Variants in GUCY1A2 observed in about 807,000 individuals in gnomAD.
The protein encoded by GUCY1A2 is guanylate cyclase 1 soluble subunit alpha 2, also known as guanylate cyclase soluble subunit alpha-2.
A neutral mutation model predicts 63.5 loss-of-function variants in GUCY1A2; 27 were observed. That is an observed-to-expected ratio of 0.43 (90% CI 0.31 to 0.59). GUCY1A2 has a LOEUF of 0.59. Ranked by LOEUF, GUCY1A2 falls within the 20% of genes least tolerant of loss-of-function variation. The pLI is 0.11. For synonymous variants in GUCY1A2, 364 were observed against 343.5 expected (o/e 1.06, Z -0.66); for missense variants, 768 against 913.3 (o/e 0.84, Z 2.05).
At chr11:106,805,105 A>G (rs919637017) in intron 5 of GUCY1A2, among the ~76,000 whole-genome samples, 4 of 152,158 alleles carry the variant, frequency 2.6e-5, no homozygotes, top group Non-Finnish European at 2.9e-5. Context: ...TGGTTGCCCT[A>G]TCTTGTCTTA....
rs182077726 is a variant in GUCY1A2, at chr11:106,681,156, T to C, written c.*6393A>G. 9.3e-5 allele frequency: 20 copies of C among 214,780 alleles called. No homozygotes were observed. In the Admixed American group the frequency reaches 1.2e-3, roughly 12 times the overall value. The allele number at this position is 214,780 out of a possible 1,614,324, so 13.3% of individuals were successfully genotyped here. ...TATTACTGAATAATCATTTTCAGAC[T>C]TTTATTTATTGTGCTACAGGTGACT... On this transcript the variant is annotated 3_prime_UTR_variant, in exon 8 of 8. Transcript: ENST00000526355.
intron 5 of GUCY1A2, among the ~76,000 whole-genome samples, chr11:106,786,803 T>C (rs1157227645): frequency 2.6e-5 from 4 of 152,188 alleles, no homozygotes; most frequent in African/African-American, 9.7e-5. Flanking sequence ...ACTCAATGTT[T>C]TTTGCAAACT....
intron 6 of GUCY1A2, among the ~76,000 whole-genome samples, chr11:106,710,673 C>G (rs1205715437): frequency 6.6e-6 from 1 of 151,788 alleles, no homozygotes; most frequent in Non-Finnish European, 1.5e-5. Flanking sequence ...TGAAAAAGCT[C>G]TCAGTGTACA....
At chr11:106,904,205 A>C (rs959498208) in intron 4 of GUCY1A2, among the ~76,000 whole-genome samples, 32 of 152,132 alleles carry the variant, frequency 2.1e-4, no homozygotes, top group African/African-American at 7.2e-4. Flanking sequence ...TTTCTGAACA[A>C]AGCTGCGGCT....
chr11:106,739,875 C>G (rs556195736), intron 6 of GUCY1A2, among the ~76,000 whole-genome samples: 1 of 152,134 alleles, frequency 6.6e-6, no homozygotes, highest in South Asian at 2.1e-4. Flanking sequence ...CGAGCTACTT[C>G]TTTCCCATTT....
intron 1 of GUCY1A2, among the ~76,000 whole-genome samples, chr11:107,004,112 C>CT (rs1861642554): frequency 1.3e-5 from 2 of 152,150 alleles, no homozygotes; most frequent in South Asian, 4.1e-4. Context: ...TGAGGGCTGA[C>CT]TGTCAACAGA....
intron 6 of GUCY1A2, among the ~76,000 whole-genome samples, chr11:106,744,547 T>C (rs1337757219): frequency 2.0e-5 from 3 of 152,208 alleles, no homozygotes; most frequent in Non-Finnish European, 4.4e-5. Context: ...CTTTTGACCT[T>C]ACATTTTTTT....
At chr11:106,923,788 C>G (rs1035227845) in intron 4 of GUCY1A2, among the ~76,000 whole-genome samples, 1 of 151,804 alleles carries the variant, frequency 6.6e-6, no homozygotes, top group African/African-American at 2.4e-5. Flanking sequence ...AAAATAAAAG[C>G]CTTATGAGAC....
At chr11:106,701,816 G>A (rs970843427) in intron 7 of GUCY1A2, among the ~76,000 whole-genome samples, 2 of 152,160 alleles carry the variant, frequency 1.3e-5, no homozygotes, top group African/African-American at 4.8e-5. Flanking sequence ...AATGTTTGAG[G>A]TGATAGTTAT....
chr11:106,845,181 G>T (rs142647825), intron 4 of GUCY1A2, among the ~76,000 whole-genome samples: 198 of 151,384 alleles, frequency 1.3e-3, no homozygotes, highest in African/African-American at 4.5e-3. Flanking sequence ...TCTACTCCAG[G>T]CCAAATATAT....
At chr11:106,950,675 G>T (rs919377037) in intron 3 of GUCY1A2, among the ~76,000 whole-genome samples, 4 of 152,178 alleles carry the variant, frequency 2.6e-5, no homozygotes, top group African/African-American at 9.7e-5. Flanking sequence ...GGCCACAGAA[G>T]AGGCAGCAGG....
chr11:106,793,788 A>G (rs562029996), intron 5 of GUCY1A2, among the ~76,000 whole-genome samples: 1 of 152,276 alleles, frequency 6.6e-6, no homozygotes, highest in African/African-American at 2.4e-5. Flanking sequence ...GTACAAATTA[A>G]AGCCACAACG....
At chr11:106,873,112 T>C (rs1565316475) in intron 4 of GUCY1A2, among the ~76,000 whole-genome samples, 1 of 152,240 alleles carries the variant, frequency 6.6e-6, no homozygotes, top group South Asian at 2.1e-4. Flanking sequence ...TTCCTTTTTA[T>C]GGCTGCATAG....
At chr11:106,836,536 C>G (rs895091451) in intron 4 of GUCY1A2, among the ~76,000 whole-genome samples, 4 of 151,970 alleles carry the variant, frequency 2.6e-5, no homozygotes, top group Admixed American at 2.0e-4. Context: ...TGACTTTTCT[C>G]TGCCTCAAGG....
chr11:106,950,829 G>C (rs542697369), intron 3 of GUCY1A2, among the ~76,000 whole-genome samples: 24 of 152,134 alleles, frequency 1.6e-4, no homozygotes, highest in Admixed American at 5.2e-4. Context: ...TTGTTACATA[G>C]GTATGCGCTT....
At chr11:106,920,976 G>T (rs536181950) in intron 4 of GUCY1A2, among the ~76,000 whole-genome samples, 54 of 152,098 alleles carry the variant, frequency 3.6e-4, no homozygotes, top group African/African-American at 1.3e-3. Context: ...ATCCTATGAT[G>T]AACCTCATTT....
intron 1 of GUCY1A2, among the ~76,000 whole-genome samples, chr11:107,015,024 T>G (rs1034237910): frequency 6.6e-6 from 1 of 152,218 alleles, no homozygotes; most frequent in African/African-American, 2.4e-5. Context: ...CTGGAACTTT[T>G]TGAGCTAGTG....
chr11:106,729,606 A>C (rs1249535775), intron 6 of GUCY1A2, among the ~76,000 whole-genome samples: 2 of 152,148 alleles, frequency 1.3e-5, no homozygotes, highest in Non-Finnish European at 2.9e-5. Flanking sequence ...TTCTGCAATG[A>C]CACAAGCCAG....
chr11:106,998,452 T>C (rs1861569031), intron 1 of GUCY1A2, among the ~76,000 whole-genome samples: 1 of 152,224 alleles, frequency 6.6e-6, no homozygotes, highest in African/African-American at 2.4e-5. Flanking sequence ...TGTCAAACGT[T>C]GTCCTGCACA....
Sources: gnomAD v4.1 joint callset for allele counts (sites outside exome capture counted in the v4.1 genomes callset) on GRCh38, gnomAD v4.1.1 for gene constraint, MANE v1.5 for transcripts, NCBI Gene and HGNC (gene_info 2026-07-23, HGNC 2026-07-21) for gene names.